Variants in RGS9 observed in about 807,000 individuals in gnomAD.
The protein encoded by RGS9 is regulator of G-protein signalling 9.
RGS9 carries 78 observed loss-of-function variants against 102.0 expected under a neutral mutation model. The ratio of observed to expected loss-of-function variants is 0.76; its 90% CI spans 0.64 to 0.92. The LOEUF (loss-of-function observed/expected upper bound fraction) is 0.92, where lower values mean the gene tolerates loss of function less well. Among genes scored for constraint, RGS9 ranks in the 40% least tolerant of loss-of-function variants. RGS9 has a pLI of 0.00. For synonymous variants in RGS9, 353 were observed against 318.6 expected (o/e 1.11, Z -1.15); for missense variants, 833 against 866.1 (o/e 0.96, Z 0.48).
In RGS9 at chr17:65,222,418, C is replaced by T. The variant is rs185697936; in HGVS notation, c.1408-2584C>T. Among the ~76,000 whole-genome samples, 234 of 152,284 alleles carry T rather than the reference C, an allele frequency of 1.5e-3. 1 individual carries two copies. The highest frequency in any genetic ancestry group is 5.2e-3 in the African/African-American group (217 of 41,560). On this transcript the variant is annotated intron_variant, in intron 17 of 18. Coordinates refer to ENST00000262406, the MANE Select transcript of RGS9 (RefSeq NM_003835.4). ...ACTACCCCATCACATTTATGGTTCA[C>T]GTGTACACTCAAGGACAGGGGTGGG... is the stretch of plus-strand genomic sequence containing the variant.
Position 65,204,648 on chromosome 17 carries a change from G to A in RGS9, c.1203+347G>A, listed in dbSNP as rs900105618. Among the ~76,000 whole-genome samples, 7 of 152,296 alleles carry A rather than the reference G, an allele frequency of 4.6e-5. No individual in the cohort carries two copies. In the East Asian group the frequency reaches 1.2e-3, roughly 25 times the overall value. ...CTTGCCTTGAGCCCCTCACCCACGGGCCTAGAGGAACTCCTGTAGAAGCTG... is the reference window on the plus strand; with the variant it reads ...CTTGCCTTGAGCCCCTCACCCACGGACCTAGAGGAACTCCTGTAGAAGCTG... On this transcript the variant is annotated intron_variant, in intron 15 of 18. Transcript: ENST00000262406.
chr17:65,186,319 C>T lies in RGS9; in HGVS notation c.655-2967C>T, dbSNP rs181229229. Among the ~76,000 whole-genome samples, 477 of 151,784 alleles carry T rather than the reference C, an allele frequency of 3.1e-3. 5 individuals carry two copies. Among genetic ancestry groups the T allele is most frequent in the Non-Finnish European group, 2.1e-3 (144 of 67,956 alleles). ...TCAAGCAATTCTCCTGGGTCAGTCCCGCCTCCACCCCACCCCCCACCAAGT... is the reference window on the plus strand; with the variant it reads ...TCAAGCAATTCTCCTGGGTCAGTCCTGCCTCCACCCCACCCCCCACCAAGT... On this transcript the variant is annotated intron_variant, in intron 9 of 18. Transcript: ENST00000262406.
At chr17:65,141,719 G>A (rs1246079989) in intron 1 of RGS9, among the ~76,000 whole-genome samples, 1 of 152,184 alleles carries the variant, frequency 6.6e-6, no homozygotes, top group Non-Finnish European at 1.5e-5. Flanking sequence ...GGAGTGGTCA[G>A]TTCTACCTGG....
At chr17:65,207,870 A>G in intron 15 of RGS9, 52 bp from the exon 16 acceptor site, 1 of 1,371,592 alleles carries the variant, frequency 7.3e-7, no homozygotes. Flanking sequence ...TATTGGTTTG[A>G]TTTGACTGCT....
At chr17:65,184,778 TTCTTTC>T (rs1173496963) in intron 9 of RGS9, among the ~76,000 whole-genome samples, 1 of 139,912 alleles carries the variant, frequency 7.1e-6, no homozygotes, top group South Asian at 2.2e-4. Context: ...CATTCTTTGT[TTCTTTC>T]TCTTTCTCTT....
At chr17:65,206,898 T>C (rs997551889) in intron 15 of RGS9, among the ~76,000 whole-genome samples, 3 of 152,184 alleles carry the variant, frequency 2.0e-5, no homozygotes, top group African/African-American at 7.2e-5. Flanking sequence ...ATTCCTAGAC[T>C]CTATCCTAGT....
At chr17:65,142,321 T>C (rs1251808824) in intron 1 of RGS9, among the ~76,000 whole-genome samples, 2 of 152,166 alleles carry the variant, frequency 1.3e-5, no homozygotes, top group Non-Finnish European at 2.9e-5. Flanking sequence ...TCCTAGGTCA[T>C]GCTACAGAGT....
At chr17:65,138,896 T>C (rs1210453620) in intron 1 of RGS9, among the ~76,000 whole-genome samples, 5 of 120,360 alleles carry the variant, frequency 4.2e-5, no homozygotes, top group African/African-American at 1.4e-4. Flanking sequence ...ACCTTGGTCT[T>C]CTGACTAGTG....
chr17:65,185,122 C>A (rs957728726), intron 9 of RGS9, among the ~76,000 whole-genome samples: 6 of 152,130 alleles, frequency 3.9e-5, no homozygotes, highest in Admixed American at 3.9e-4. Flanking sequence ...CTCTCACTGT[C>A]CCCTCCCTGT....
rs1488504459 is a variant in RGS9, at chr17:65,173,604, T to C, written c.583-4128T>C. The stretch of plus-strand genomic sequence containing the variant: ...GTTCCTCAGGGTGGAGGAGGGGAGC[T>C]TGCATGTCTCTGAAGGCTTCCTGCA... On this transcript the variant is annotated intron_variant, in intron 8 of 18. Coordinates refer to ENST00000262406, the MANE Select transcript of RGS9 (RefSeq NM_003835.4). This position sits in a 1 kb window ranked among gnomAD's most constrained non-coding sequence, Gnocchi z 4.8. 6.6e-6 allele frequency among the ~76,000 whole-genome samples: 1 copy of C among 152,182 alleles called. No individual in the cohort carries two copies. Among genetic ancestry groups the C allele is most frequent in the African/African-American group, 2.4e-5 (1 of 41,448 alleles).
intron 1 of RGS9, among the ~76,000 whole-genome samples, chr17:65,145,860 C>A (rs530960118): frequency 6.9e-6 from 1 of 145,468 alleles, no homozygotes; most frequent in South Asian, 2.1e-4. Context: ...GGAATTTGTA[C>A]GGGGAAAGGT....
At chr17:65,137,700 T>A in intron 1 of RGS9, 103 bp downstream of exon 1, 1 of 1,040,264 alleles carries the variant, frequency 9.6e-7, no homozygotes, top group Non-Finnish European at 1.5e-6. Flanking sequence ...CCCCTTTGGG[T>A]CGATTTGTGC....
chr17:65,155,338 T>C (rs1170213036), intron 2 of RGS9, among the ~76,000 whole-genome samples: 2 of 152,222 alleles, frequency 1.3e-5, no homozygotes, highest in East Asian at 1.9e-4. Flanking sequence ...TAAGGGAAAG[T>C]ACCTTGTCTT....
At chr17:65,195,421 T>G (rs1355026295) in intron 12 of RGS9, among the ~76,000 whole-genome samples, 3 of 152,206 alleles carry the variant, frequency 2.0e-5, no homozygotes, top group Admixed American at 2.0e-4. Flanking sequence ...TGTTCTTTTT[T>G]GTGGATCCTA....
chr17:65,214,070 G>A (rs55948933), intron 17 of RGS9, among the ~76,000 whole-genome samples: 6 of 152,046 alleles, frequency 3.9e-5, no homozygotes, highest in Non-Finnish European at 7.4e-5. Flanking sequence ...CTAGCAATTC[G>A]CTCATCTCAG....
At chr17:65,146,926 T>C (rs1224210283) in intron 1 of RGS9, among the ~76,000 whole-genome samples, 1 of 152,002 alleles carries the variant, frequency 6.6e-6, no homozygotes, top group South Asian at 2.1e-4. Flanking sequence ...CAGGCACTTC[T>C]TGGGTACCAT....
At chr17:65,218,553 G>A (rs1431094728) in intron 17 of RGS9, among the ~76,000 whole-genome samples, 1 of 152,220 alleles carries the variant, frequency 6.6e-6, no homozygotes, top group Non-Finnish European at 1.5e-5. Context: ...GGGTGGCTTT[G>A]ACCTTCAACC....
At chr17:65,147,587 CT>C (rs36062784) in intron 1 of RGS9, among the ~76,000 whole-genome samples, 620 of 103,666 alleles carry the variant, frequency 6.0e-3, no homozygotes, top group Middle Eastern at 7.4e-3. Flanking sequence ...CTTTTAAAAA[CT>C]TTTTTTTTTT....
chr17:65,224,639 C>T (rs1236395563), intron 17 of RGS9, among the ~76,000 whole-genome samples: 3 of 152,168 alleles, frequency 2.0e-5, no homozygotes, highest in Non-Finnish European at 4.4e-5. Flanking sequence ...TGGGCTGTGG[C>T]AGGTACTATG....
Sources: allele counts gnomAD v4.1 joint callset (sites outside exome capture counted in the v4.1 genomes callset), GRCh38; gene constraint gnomAD v4.1.1; non-coding constraint Gnocchi (gnomAD v3.1); transcripts MANE v1.5; gene names NCBI Gene and HGNC (gene_info 2026-07-23, HGNC 2026-07-21).